KANSL1L: variants seen among roughly 807,000 people sequenced by gnomAD.
The protein encoded by KANSL1L is KAT8 regulatory NSL complex subunit 1 like, also known as KAT8 regulatory NSL complex subunit 1-like protein.
A neutral mutation model predicts 108.6 loss-of-function variants in KANSL1L; 25 were observed. The observed-to-expected ratio is 0.23, with a 90% CI of 0.17 to 0.32. The LOEUF (loss-of-function observed/expected upper bound fraction) is 0.32, where lower values mean the gene tolerates loss of function less well. KANSL1L is among the 10% of genes least tolerant of loss of function. The probability of loss-of-function intolerance (pLI) is 1.00; values close to 1 mark genes in which losing one functional copy is unlikely to be tolerated. For synonymous variants in KANSL1L, 405 were observed against 395.1 expected, an observed-to-expected ratio of 1.03 and a Z score of -0.30; for missense variants, 1,137 against 1,125.7, an observed-to-expected ratio of 1.01 and a Z score of -0.14.
At chr2:210,096,259 AAGTGTAAC>A (rs2094735219) in intron 5 of KANSL1L, among the ~76,000 whole-genome samples, 1 of 152,182 alleles carries the variant, frequency 6.6e-6, no homozygotes, top group Non-Finnish European at 1.5e-5. Flanking sequence ...TATCTTTTTC[AAGTGTAAC>A]AGTTATTAAA....
At chr2:210,157,557 G>A (rs2095340384) in intron 1 of KANSL1L, among the ~76,000 whole-genome samples, 3 of 151,092 alleles carry the variant, frequency 2.0e-5, no homozygotes, top group South Asian at 2.1e-4. Flanking sequence ...TAGGTGTGGC[G>A]ACATGTGCCA....
intron 5 of KANSL1L, among the ~76,000 whole-genome samples, chr2:210,095,390 C>CA: frequency 6.6e-6 from 1 of 152,166 alleles, no homozygotes; most frequent in Non-Finnish European, 1.5e-5. Flanking sequence ...ATGCTCTTGT[C>CA]AAAGTCTCTC....
chr2:210,034,530 C>T (rs1005054109), intron 8 of KANSL1L, among the ~76,000 whole-genome samples: 3 of 152,092 alleles, frequency 2.0e-5, no homozygotes, highest in Non-Finnish European at 4.4e-5. Context: ...AATATTCCTT[C>T]TCGAATGATT....
rs11439121 is a variant in KANSL1L, at chr2:210,129,990, C to CAA, written c.1089-820_1089-819dup. Among the ~76,000 whole-genome samples the CAA allele has an allele frequency of 6.1e-3, 830 of 135,470 alleles. 8 individuals carry two copies. Among genetic ancestry groups the CAA allele is most frequent in the East Asian group, 0.028 (135 of 4,828 alleles). 88.9% of individuals were successfully genotyped at this position (135,470 alleles called of 152,430 possible). A position where few individuals can be genotyped will look rare whatever the true frequency, so the allele number is the denominator to read the frequency against. On this transcript the variant is annotated intron_variant, in intron 2 of 14. Coordinates refer to ENST00000281772, the MANE Select transcript of KANSL1L (RefSeq NM_152519.4). ...ATATTTAATTAGGAGATGCAGATTG[C>CAA]AAAAAAAAAAAAAAACTGACAGAAA... is the stretch of plus-strand genomic sequence containing the variant.
intron 1 of KANSL1L, among the ~76,000 whole-genome samples, chr2:210,163,484 G>A (rs1011576364): frequency 6.6e-6 from 1 of 152,066 alleles, no homozygotes; most frequent in Non-Finnish European, 1.5e-5. Context: ...AAGATGGCAG[G>A]GGGTTTGAGG....
chr2:210,077,790 T>A (rs1442362593), intron 5 of KANSL1L, among the ~76,000 whole-genome samples: 2 of 152,190 alleles, frequency 1.3e-5, no homozygotes, highest in African/African-American at 4.8e-5. Flanking sequence ...AGATGTTAGC[T>A]TTCCCCTCCC....
intron 1 of KANSL1L, among the ~76,000 whole-genome samples, chr2:210,166,050 C>A (rs1300891700): frequency 1.3e-5 from 2 of 152,132 alleles, no homozygotes; most frequent in Non-Finnish European, 2.9e-5. Context: ...GGGTTAAGTA[C>A]TGTCTGCGAT....
chr2:210,034,032 C>T (rs916994063), intron 8 of KANSL1L, among the ~76,000 whole-genome samples: 2 of 152,090 alleles, frequency 1.3e-5, no homozygotes, highest in African/African-American at 4.8e-5. Context: ...CAATCCTCTC[C>T]TAGAGTTCAT....
chr2:210,139,742 CTTTTT>C (rs200971902), intron 2 of KANSL1L, among the ~76,000 whole-genome samples: 3 of 134,366 alleles, frequency 2.2e-5, no homozygotes, highest in Non-Finnish European at 1.6e-5. Flanking sequence ...TGCCCATTTC[CTTTTT>C]TTTTTTTTTT....
At chr2:210,127,507 A>G (rs1575582817) in intron 3 of KANSL1L, among the ~76,000 whole-genome samples, 1 of 152,138 alleles carries the variant, frequency 6.6e-6, no homozygotes, top group East Asian at 1.9e-4. Context: ...TAAAAATGCA[A>G]TGAACAAGGC....
intron 5 of KANSL1L, chr2:210,088,387 T>C (rs941454584): frequency 2.0e-5 from 3 of 152,248 alleles, no homozygotes; most frequent in South Asian, 2.1e-4. Context: ...ATGCCTGATC[T>C]GCTATGTATT....
At chr2:210,107,055 T>C (rs2094854004) in intron 3 of KANSL1L, among the ~76,000 whole-genome samples, 1 of 152,068 alleles carries the variant, frequency 6.6e-6, no homozygotes, top group South Asian at 2.1e-4. Context: ...AAAAACGAGT[T>C]ACAACAACTG....
At chr2:210,149,903 C>CAA (rs61291990) in intron 2 of KANSL1L, among the ~76,000 whole-genome samples, 6 of 127,716 alleles carry the variant, frequency 4.7e-5, no homozygotes, top group African/African-American at 1.7e-4. Context: ...AAAGAAAAAC[C>CAA]AAAAAAAAAA....
intron 12 of KANSL1L, among the ~76,000 whole-genome samples, chr2:210,026,813 C>T (rs565228922): frequency 5.4e-4 from 82 of 152,238 alleles, no homozygotes; most frequent in African/African-American, 1.9e-3. Context: ...CTCTGTTGCC[C>T]AGGCTGGAGT....
At chr2:210,033,710 T>TG (rs1446979831) in intron 8 of KANSL1L, among the ~76,000 whole-genome samples, 1 of 150,020 alleles carries the variant, frequency 6.7e-6, no homozygotes, top group African/African-American at 2.4e-5. Context: ...TTTTTTTTTT[T>TG]TGTATTTTTA....
chr2:210,137,126 T>C (rs751092445), intron 2 of KANSL1L, among the ~76,000 whole-genome samples: 10 of 152,196 alleles, frequency 6.6e-5, no homozygotes, highest in South Asian at 2.1e-4. Context: ...TTAGTTCTAA[T>C]AGAAACCAGT....
At chr2:210,057,863 C>T (rs2094370612) in intron 6 of KANSL1L, among the ~76,000 whole-genome samples, 1 of 152,206 alleles carries the variant, frequency 6.6e-6, no homozygotes, top group African/African-American at 2.4e-5. Context: ...ACTTTAATCT[C>T]TTAATCCCGT....
chr2:210,090,846 A>G (rs1204435034), intron 5 of KANSL1L, among the ~76,000 whole-genome samples: 2 of 152,190 alleles, frequency 1.3e-5, no homozygotes, highest in Admixed American at 1.3e-4. Flanking sequence ...TTATTTTTAA[A>G]TATATCTTTT....
intron 5 of KANSL1L, among the ~76,000 whole-genome samples, chr2:210,087,018 T>C (rs948471100): frequency 6.6e-6 from 1 of 151,658 alleles, no homozygotes; most frequent in Non-Finnish European, 1.5e-5. Flanking sequence ...TGTTCCTTTT[T>C]TTATTTTTTA....
Sources: gnomAD v4.1 joint callset for allele counts (sites outside exome capture counted in the v4.1 genomes callset) on GRCh38, gnomAD v4.1.1 for gene constraint, MANE v1.5 for transcripts, NCBI Gene and HGNC (gene_info 2026-07-23, HGNC 2026-07-21) for gene names.